NIPSNAP1: variants seen among roughly 807,000 people sequenced by gnomAD.
NIPSNAP1 encodes the protein nipsnap homolog 1, also known as protein NipSnap homolog 1.
A neutral mutation model predicts 49.2 loss-of-function variants in NIPSNAP1; 25 were observed. The ratio of observed to expected loss-of-function variants is 0.51; its 90% CI spans 0.37 to 0.71. The LOEUF (loss-of-function observed/expected upper bound fraction) is 0.71, where lower values mean the gene tolerates loss of function less well. Among genes scored for constraint, NIPSNAP1 ranks in the 30% least tolerant of loss-of-function variants. NIPSNAP1 has a pLI of 0.00. For missense variants in NIPSNAP1, 294 were observed against 361.0 expected (o/e 0.81, Z 1.50); for synonymous variants, 143 against 140.7 (o/e 1.02, Z -0.12).
intron 4 of NIPSNAP1, among the ~76,000 whole-genome samples, chr22:29,565,569 T>C (rs770317748): frequency 1.3e-5 from 2 of 152,116 alleles, no homozygotes; most frequent in Non-Finnish European, 2.9e-5. Flanking sequence ...ATTTCACAAC[T>C]AGCAAATGCT....
chr22:29,562,930 T>C (rs1381853637), intron 4 of NIPSNAP1, among the ~76,000 whole-genome samples: 1 of 151,628 alleles, frequency 6.6e-6, no homozygotes, highest in East Asian at 1.9e-4. Context: ...AAACCCCGTC[T>C]CTACTAAAAA....
intron 1 of NIPSNAP1, among the ~76,000 whole-genome samples, chr22:29,576,944 G>A (rs1319617603): frequency 6.7e-6 from 1 of 149,862 alleles, no homozygotes; most frequent in Admixed American, 6.6e-5. Flanking sequence ...AAAAAAGGTA[G>A]ACCTTGACCC....
At chr22:29,570,294 G>A in intron 2 of NIPSNAP1, 87 bp from the exon 3 acceptor site, 7 of 1,599,758 alleles carry the variant, frequency 4.4e-6, no homozygotes, top group Non-Finnish European at 5.1e-6. Flanking sequence ...CAAGGCCAGG[G>A]GTCCCAGGAC....
intron 7 of NIPSNAP1, 110 bp downstream of exon 7, chr22:29,561,060 TA>T: frequency 9.1e-7 from 1 of 1,094,984 alleles, no homozygotes; most frequent in Non-Finnish European, 1.4e-6. Flanking sequence ...GGGCAGAAGG[TA>T]AAGAGTTCCC....
At chr22:29,580,894 A>C (rs574976644) in intron 1 of NIPSNAP1, 91 bp downstream of exon 1, 2 of 1,012,330 alleles carry the variant, frequency 2.0e-6, no homozygotes, top group Non-Finnish European at 1.4e-6. Context: ...CCAAGCGAGG[A>C]GTCTCAGCCC....
intron 4 of NIPSNAP1, among the ~76,000 whole-genome samples, chr22:29,566,107 A>T (rs1270840697): frequency 6.6e-6 from 1 of 152,066 alleles, no homozygotes; most frequent in Non-Finnish European, 1.5e-5. Flanking sequence ...AGCATTTGAA[A>T]TGTAGCTAGT....
chr22:29,561,260 A>G lies in NIPSNAP1; in HGVS notation c.580-58T>C, dbSNP rs2146603320. Reference sequence around the variant, plus strand: ...GCCCCCACCTCAGATTCATAGCATCACAGCTTGGCAAGGAAGGGAAACTGC... The same window carrying G: ...GCCCCCACCTCAGATTCATAGCATCGCAGCTTGGCAAGGAAGGGAAACTGC... On this transcript the variant is annotated intron_variant, in intron 6 of 9. Transcript: ENST00000216121. The G allele has an allele frequency of 4.4e-6, 7 of 1,599,462 alleles. 1 individual carries two copies. In the Middle Eastern group the frequency reaches 5.0e-4, roughly 113 times the overall value.
rs2064389367 is a variant in NIPSNAP1 at position 29,569,274 on chromosome 22, G to C, written c.286C>G (p.Pro96Ala). 1 of 1,613,910 alleles carries C rather than the reference G, an allele frequency of 6.2e-7. No individual in the cohort carries two copies. The highest frequency in any genetic ancestry group is 8.5e-7 in the Non-Finnish European group (1 of 1,179,882). Reference protein sequence around the residue: ...AYNSLTEAVLPKLHLDEDYPC... With the variant: ...AYNSLTEAVLAKLHLDEDYPC... ...TAGTCCTCATCCAGGTGAAGCTTGG[G>C]CAGCACAGCCTCCCTGTGGGGGAGG... Residue 96 changes from proline to alanine, a missense_variant, in exon 4 of 10, where the codon CCC becomes GCC. Pro to Ala is a conservative substitution (Grantham distance 27). This residue lies in a region of NIPSNAP1 where 55 missense variants were observed against 46.2 expected (regional missense o/e 1.19). Coordinates refer to ENST00000216121, the MANE Select transcript of NIPSNAP1 (RefSeq NM_003634.4).
At chr22:29,576,888 G>A (rs2064456780) in intron 1 of NIPSNAP1, among the ~76,000 whole-genome samples, 1 of 149,436 alleles carries the variant, frequency 6.7e-6, no homozygotes, top group African/African-American at 2.5e-5. Context: ...TCGCGCCACT[G>A]CACTCCAGCC....
At position 29,579,990 on chromosome 22, in the gene NIPSNAP1, C is replaced by T. The variant is rs1175253644; in HGVS notation, c.98+995G>A. 6.1e-6 allele frequency: 6 copies of T among 976,138 alleles called. No individual in the cohort carries two copies. The African/African-American group carries it at 1.0e-4, about 16-fold the overall frequency. 60.5% of individuals were successfully genotyped at this position (976,138 alleles called of 1,614,324 possible). On this transcript the variant is annotated intron_variant, in intron 1 of 9. Transcript: ENST00000216121. ...GCCCCACTGCTCTGTGCTGTAACAT[C>T]TCATGGCAGGCACTATCAGAACTTT...
In NIPSNAP1 at chr22:29,555,960, G is replaced by A. The variant is rs2146597947; in HGVS notation, c.830C>T (p.Pro277Leu). ...TCACTGCAGAGGCGAGATCTTCAAGGGGATCATGATCCTAGACTCCATGTG... is the reference window on the plus strand; with the variant it reads ...TCACTGCAGAGGCGAGATCTTCAAGAGGATCATGATCCTAGACTCCATGTG... ...VRHMESRIMIPLKISPLQ is the reference protein window; with the variant it reads ...VRHMESRIMILLKISPLQ The change falls in exon 10 of 10, where the codon CCC becomes CTC. Residue 277 changes from proline (P) to leucine (L), a missense_variant. Physicochemically the swap from Pro to Leu is moderately conservative, Grantham distance 98. Coordinates refer to ENST00000216121, the MANE Select transcript of NIPSNAP1 (RefSeq NM_003634.4). 2 of 1,551,792 alleles carry A rather than the reference G, an allele frequency of 1.3e-6. No individual in the cohort carries two copies. Among genetic ancestry groups the A allele is most frequent in the Middle Eastern group, 1.7e-4 (1 of 5,992 alleles).
At chr22:29,563,165 C>T (rs2064347967) in intron 4 of NIPSNAP1, among the ~76,000 whole-genome samples, 1 of 151,742 alleles carries the variant, frequency 6.6e-6, no homozygotes, top group South Asian at 2.1e-4. Flanking sequence ...ACTCGGGAGG[C>T]TGAGGCAGGA....
chr22:29,570,956 C>T (rs1279981148), intron 1 of NIPSNAP1, among the ~76,000 whole-genome samples: 1 of 152,064 alleles, frequency 6.6e-6, no homozygotes, highest in African/African-American at 2.4e-5. Flanking sequence ...CCTGCCCCCT[C>T]ACCTGTACAC....
At chr22:29,580,334 G>A (rs2064488356) in intron 1 of NIPSNAP1, 4 of 937,424 alleles carry the variant, frequency 4.3e-6, no homozygotes, top group Non-Finnish European at 5.1e-6. Context: ...GCCCAGAGCA[G>A]GGCCCAAACA....
At chr22:29,561,265 T>A in intron 6 of NIPSNAP1, 63 bp from the exon 7 acceptor site, 1 of 1,597,314 alleles carries the variant, frequency 6.3e-7, no homozygotes, top group South Asian at 1.1e-5. Context: ...GCATCACAGC[T>A]TGGCAAGGAA....
In NIPSNAP1 at chr22:29,569,280, C is replaced by T; in HGVS notation, c.280G>A (p.Val94Met). 6.2e-7 allele frequency: 1 copy of T among 1,613,792 alleles called. No homozygotes were observed. Residue 94 changes from valine to methionine, a missense_variant, in exon 4 of 10, where the codon GTG becomes ATG. Around this residue, in one of 4 missense-constraint regions of NIPSNAP1, gnomAD observed 55 missense variants for 46.2 expected, o/e 1.19. Coordinates refer to ENST00000216121, the MANE Select transcript of NIPSNAP1 (RefSeq NM_003634.4). The stretch of plus-strand genomic sequence containing the variant: ...TCATCCAGGTGAAGCTTGGGCAGCA[C>T]AGCCTCCCTGTGGGGGAGGTGCAGA... ...LDAYNSLTEAVLPKLHLDEDY... is the reference protein window; with the variant it reads ...LDAYNSLTEAMLPKLHLDEDY...
rs2064434384 is a variant in NIPSNAP1 at position 29,574,289 on chromosome 22, A to AAG, written c.99-3758_99-3757insCT. The stretch of plus-strand genomic sequence containing the variant: ...AAAAAAAAAAAAAAAAAAAAAAAAA[A>AAG]AAAGAAAGAAAAAGAAAAGAAAATA... On this transcript the variant is annotated intron_variant, in intron 1 of 9. Transcript: ENST00000216121. Among the ~76,000 whole-genome samples, 180 of 125,326 alleles carry AAG rather than the reference A, an allele frequency of 1.4e-3. 15 individuals are homozygous for AAG. The highest frequency in any genetic ancestry group is 4.0e-3 in the African/African-American group (123 of 30,570). 82.2% of individuals were successfully genotyped at this position (125,326 alleles called of 152,430 possible). A position where few individuals can be genotyped will look rare whatever the true frequency, so the allele number is the denominator to read the frequency against.
intron 9 of NIPSNAP1, 71 bp downstream of exon 9, chr22:29,558,799 G>T: frequency 8.9e-7 from 1 of 1,129,718 alleles, no homozygotes; most frequent in Non-Finnish European, 1.4e-6. Flanking sequence ...AGAAAGACTA[G>T]ATCTCCTTGC....
At position 29,569,240 on chromosome 22, in the gene NIPSNAP1, G is replaced by A. The variant is rs1601493089; in HGVS notation, c.320C>T (p.Ser107Leu). 6.2e-7 allele frequency: 1 copy of A among 1,614,048 alleles called. No individual in the cohort carries two copies. Among genetic ancestry groups the A allele is most frequent in the Non-Finnish European group, 8.5e-7 (1 of 1,179,990 alleles). The change falls in exon 4 of 10, where the codon TCA becomes TTA. Residue 107 changes from serine to leucine, a missense_variant. By Grantham distance (145) the Ser-to-Leu change is moderately radical. Coordinates refer to ENST00000216121, the MANE Select transcript of NIPSNAP1 (RefSeq NM_003634.4). ...KLHLDEDYPC[S>L]LVGNWNTWYG... Reference sequence around the variant, plus strand: ...CCACGTGTTCCAGTTGCCCACGAGTGAGCATGGGTAGTCCTCATCCAGGTG... The same window carrying A: ...CCACGTGTTCCAGTTGCCCACGAGTAAGCATGGGTAGTCCTCATCCAGGTG...
Sources: allele counts gnomAD v4.1 joint callset (sites outside exome capture counted in the v4.1 genomes callset), GRCh38; gene constraint gnomAD v4.1.1; regional missense constraint gnomAD v4.1.1; transcripts MANE v1.5; gene names NCBI Gene and HGNC (gene_info 2026-07-23, HGNC 2026-07-21).